The following NPY1R variants were observed in gnomAD, a reference collection of about 807,000 sequenced individuals.
NPY1R encodes the protein neuropeptide Y receptor Y1, also known as neuropeptide Y receptor type 1.
Under a neutral mutation model 24.1 loss-of-function variants are expected in NPY1R, and 10 were observed. The observed-to-expected ratio is 0.42, with a 90% CI of 0.26 to 0.71. NPY1R has a LOEUF of 0.71. NPY1R is among the 30% of genes least tolerant of loss of function. The pLI is 0.28. For missense variants in NPY1R, 350 were observed against 458.0 expected (o/e 0.76, Z 2.15); for synonymous variants, 168 against 165.9 (o/e 1.01, Z -0.10).
upstream of NPY1R, among the ~76,000 whole-genome samples, chr4:163,337,064 T>C (rs1308478658): frequency 2.0e-5 from 3 of 152,144 alleles, no homozygotes; most frequent in African/African-American, 7.2e-5. Context: ...TTCTGAGGCA[T>C]CATTTTGCTA....
At chr4:163,327,613 T>C (rs912397748) in intron 1 of NPY1R, among the ~76,000 whole-genome samples, 1 of 152,160 alleles carries the variant, frequency 6.6e-6, no homozygotes. Flanking sequence ...TTTATTAATA[T>C]GTTAGAAGCT....
rs181222308 is a variant in NPY1R, at chr4:163,326,006, C to T, written c.549G>A (p.Pro183=). 2.3e-5 allele frequency: 37 copies of T among 1,613,860 alleles called. No homozygotes were observed. Among genetic ancestry groups the T allele is most frequent in the South Asian group, 7.7e-5 (7 of 91,058 alleles). ...ACGCATCAAGTGTTACATTTTGGAA[C>T]GGCTCATCAGTCATTACTTGGTAGA... is the stretch of plus-strand genomic sequence containing the variant. ...FLIYQVMTDE[P]FQNVTLDAYK... is the part of the protein sequence containing the mutation. The change falls in exon 2 of 3, where the codon CCG becomes CCA. Residue 183 remains proline (P), a synonymous_variant. Coordinates refer to ENST00000296533, the MANE Select transcript of NPY1R (RefSeq NM_000909.6).
rs183843859 is a variant in NPY1R, at chr4:163,326,119, G to A, written c.436C>T (p.Arg146Ter). Residue 146 changes from arginine to a stop codon, truncating the protein, a stop_gained, in exon 2 of 3, where the codon CGA (arginine) becomes TGA (stop). Transcript: ENST00000296533. LOFTEE classifies it high-confidence loss of function. ...VERHQLIINP[R>*]GWRPNNRHAY... ...TGTCTATTATTTGGTCTCCACCCTC[G>A]AGGGTTGATTATCAGCTGATGTCGT... 2.5e-6 allele frequency: 4 copies of A among 1,614,074 alleles called. No homozygotes were observed. Among genetic ancestry groups the A allele is most frequent in the African/African-American group, 1.3e-5 (1 of 75,030 alleles).
intron 1 of NPY1R, among the ~76,000 whole-genome samples, chr4:163,339,289 AC>A (rs1285933645): frequency 2.6e-5 from 4 of 151,900 alleles, no homozygotes; most frequent in Non-Finnish European, 4.4e-5. Context: ...ACTCTTACCA[AC>A]CCTTTACATT....
At chr4:163,341,082 C>G (rs1578943866) in intron 1 of NPY1R, among the ~76,000 whole-genome samples, 1 of 151,012 alleles carries the variant, frequency 6.6e-6, no homozygotes, top group South Asian at 2.1e-4. Flanking sequence ...TTTTCAATAG[C>G]TTTTGGGTTT....
intron 1 of NPY1R, among the ~76,000 whole-genome samples, chr4:163,343,409 C>A (rs368515054): frequency 6.6e-6 from 1 of 152,016 alleles, no homozygotes; most frequent in African/African-American, 2.4e-5. Flanking sequence ...CTCCCCACCT[C>A]CACTCTTCCT....
chr4:163,335,579 A>C (rs1734822908), upstream of NPY1R, among the ~76,000 whole-genome samples: 1 of 152,210 alleles, frequency 6.6e-6, no homozygotes, highest in South Asian at 2.1e-4. Context: ...GTCACTCAGA[A>C]GAAACTTAAT....
chr4:163,337,468 C>G (rs908905292), upstream of NPY1R, among the ~76,000 whole-genome samples: 1 of 152,140 alleles, frequency 6.6e-6, no homozygotes, highest in Non-Finnish European at 1.5e-5. Flanking sequence ...GTATTTACCC[C>G]CTAACTTTCA....
At chr4:163,326,828 A>G in intron 1 of NPY1R, 123 bp from the exon 2 acceptor site, 1 of 283,182 alleles carries the variant, frequency 3.5e-6, no homozygotes, top group Non-Finnish European at 6.6e-6. Context: ...TAATCTTGTA[A>G]ACATCTTTCT....
chr4:163,329,430 GTC>G (rs1390178380), intron 1 of NPY1R, among the ~76,000 whole-genome samples: 3 of 152,090 alleles, frequency 2.0e-5, no homozygotes, highest in East Asian at 3.9e-4. Flanking sequence ...GTGAAACCTT[GTC>G]TCTACTAAAA....
Position 163,325,224 on chromosome 4 carries a change from G to A in NPY1R, c.*79C>T. The A allele has an allele frequency of 1.0e-6, 1 of 994,940 alleles. No homozygotes were observed. Among genetic ancestry groups the A allele is most frequent in the Non-Finnish European group, 1.5e-6 (1 of 660,930 alleles). 61.6% of individuals were successfully genotyped at this position (994,940 alleles called of 1,614,324 possible). A position where few individuals can be genotyped will look rare whatever the true frequency, so the allele number is the denominator to read the frequency against. On this transcript the variant is annotated 3_prime_UTR_variant, in exon 3 of 3. Coordinates refer to ENST00000296533, the MANE Select transcript of NPY1R (RefSeq NM_000909.6). ...ATGATTTCAACCCCATTCCTTGGGAGAACAGGTAATCAAAGTATGTTGCAG... is the reference window on the plus strand; with the variant it reads ...ATGATTTCAACCCCATTCCTTGGGAAAACAGGTAATCAAAGTATGTTGCAG...
intron 1 of NPY1R, 66 bp from the exon 2 acceptor site, chr4:163,326,771 TCA>T (rs908512795): frequency 2.3e-6 from 1 of 429,586 alleles, no homozygotes. Flanking sequence ...GACTTCTGAC[TCA>T]CAGAACTCTT....
At chr4:163,341,119 A>T (rs1176335952) in intron 1 of NPY1R, among the ~76,000 whole-genome samples, 2 of 151,910 alleles carry the variant, frequency 1.3e-5, no homozygotes, top group Non-Finnish European at 2.9e-5. Flanking sequence ...AAAATCATGT[A>T]TTTCATAATA....
intron 1 of NPY1R, among the ~76,000 whole-genome samples, chr4:163,340,549 A>T (rs1734955272): frequency 6.6e-6 from 1 of 152,110 alleles, no homozygotes; most frequent in African/African-American, 2.4e-5. Context: ...TTTTCTGAAG[A>T]TCTAAAAATA....
chr4:163,334,017 CTTTT>C (rs11440670), upstream of NPY1R, among the ~76,000 whole-genome samples: 1 of 149,066 alleles, frequency 6.7e-6, no homozygotes, highest in African/African-American at 2.5e-5. Context: ...CACACACATA[CTTTT>C]TTTTTTAACC....
chr4:163,331,734 C>T (rs1349624867), intron 1 of NPY1R, among the ~76,000 whole-genome samples: 1 of 152,256 alleles, frequency 6.6e-6, no homozygotes, highest in Non-Finnish European at 1.5e-5. Flanking sequence ...TTCCCAATCT[C>T]CTAACCCAGC....
intron 1 of NPY1R, among the ~76,000 whole-genome samples, chr4:163,341,772 CTTCTG>C (rs1216058665): frequency 9.9e-5 from 15 of 152,142 alleles, no homozygotes; most frequent in African/African-American, 3.4e-4. Flanking sequence ...GACATTACTA[CTTCTG>C]TTCTGGTATT....
intron 1 of NPY1R, among the ~76,000 whole-genome samples, chr4:163,342,798 T>G (rs1735023841): frequency 1.3e-5 from 2 of 152,306 alleles, no homozygotes; most frequent in Non-Finnish European, 2.9e-5. Context: ...TACAGTTCTC[T>G]TCGGTTTATC....
chr4:163,343,175 C>CTT (rs35412972), intron 1 of NPY1R, among the ~76,000 whole-genome samples: 4 of 144,992 alleles, frequency 2.8e-5, no homozygotes, highest in Non-Finnish European at 1.5e-5. Flanking sequence ...TTTTTCCCGT[C>CTT]TTTTTTTTTT....
Sources: allele counts gnomAD v4.1 joint callset (sites outside exome capture counted in the v4.1 genomes callset), GRCh38; gene constraint gnomAD v4.1.1; transcripts MANE v1.5; gene names NCBI Gene and HGNC (gene_info 2026-07-23, HGNC 2026-07-21).